The following CREBRF variants were observed in gnomAD, a reference collection of about 807,000 sequenced individuals.
CREBRF encodes CREB3 regulatory factor.
Under a neutral mutation model 66.1 loss-of-function variants are expected in CREBRF, and 5 were observed. That is an observed-to-expected ratio of 0.08 (90% CI 0.04 to 0.16). The LOEUF (loss-of-function observed/expected upper bound fraction) is 0.16, where lower values mean the gene tolerates loss of function less well. Ranked by LOEUF, CREBRF falls within the 10% of genes least tolerant of loss-of-function variation. CREBRF has a pLI of 1.00. For synonymous variants in CREBRF, 229 were observed against 264.4 expected (o/e 0.87, Z 1.30); for missense variants, 531 against 744.9 (o/e 0.71, Z 3.34).
Position 173,090,240 on chromosome 5 carries a change from A to T in CREBRF, c.136-75A>T. ...CAGACCAAAAGTCAAGTATTGATTT[A>T]TCAGTTTGACATATGGAGGTGAATA... On this transcript the variant is annotated intron_variant, in intron 3 of 8. Coordinates refer to ENST00000296953, the MANE Select transcript of CREBRF (RefSeq NM_153607.3). The surrounding 1 kb of genome is among the most constrained non-coding windows in gnomAD (Gnocchi z 4.5). The T allele has an allele frequency of 8.3e-7, 1 of 1,208,534 alleles. No individual in the cohort carries two copies. Among genetic ancestry groups the T allele is most frequent in the Non-Finnish European group, 1.2e-6 (1 of 862,918 alleles). 74.9% of individuals were successfully genotyped at this position (1,208,534 alleles called of 1,614,324 possible). A position where few individuals can be genotyped will look rare whatever the true frequency, so the allele number is the denominator to read the frequency against.
chr5:173,065,089 G>C (rs1368699296), intron 1 of CREBRF, among the ~76,000 whole-genome samples: 1 of 152,190 alleles, frequency 6.6e-6, no homozygotes, highest in Non-Finnish European at 1.5e-5. Flanking sequence ...TAGACTAGGA[G>C]AGGAGACACA....
intron 5 of CREBRF, chr5:173,110,216 T>A: frequency 1.5e-5 from 6 of 403,504 alleles, no homozygotes; most frequent in Non-Finnish European, 1.4e-5. Flanking sequence ...AGATTTGAGA[T>A]GCTTAGTATG....
chr5:173,106,182 C>T (rs1201212456), intron 4 of CREBRF, among the ~76,000 whole-genome samples: 3 of 151,726 alleles, frequency 2.0e-5, no homozygotes, highest in African/African-American at 4.8e-5. Context: ...GTAATCCCAG[C>T]GCTTTGGGAG....
chr5:173,090,809 C>T lies in CREBRF; in HGVS notation c.630C>T (p.Ser210=). 6.2e-7 allele frequency: 1 copy of T among 1,614,116 alleles called. No individual in the cohort carries two copies. Among genetic ancestry groups the T allele is most frequent in the Non-Finnish European group, 8.5e-7 (1 of 1,180,036 alleles). ...CVQKASKPTS[S]TQIMVKTNMY... ...AAAAAGCAAGTAAACCCACTTCAAG[C>T]ACACAAATCATGGTGAAGACCAACA... The change falls in exon 4 of 9, where the codon AGC becomes AGT. Residue 210 remains serine, a synonymous_variant. Transcript: ENST00000296953. This position sits in a 1 kb window ranked among gnomAD's most constrained non-coding sequence, Gnocchi z 4.5.
intron 1 of CREBRF, among the ~76,000 whole-genome samples, chr5:173,068,811 G>A (rs1483168783): frequency 1.3e-5 from 2 of 152,006 alleles, no homozygotes; most frequent in Non-Finnish European, 2.9e-5. Flanking sequence ...GCTCACGCCT[G>A]TAATCCCAGC....
At chr5:173,132,915 C>T (rs372144069) in intron 8 of CREBRF, among the ~76,000 whole-genome samples, 40 of 151,790 alleles carry the variant, frequency 2.6e-4, no homozygotes, top group African/African-American at 9.4e-4. Flanking sequence ...GATTACAGGC[C>T]TGAGCCACCG....
At chr5:173,065,722 G>A (rs1757417001) in intron 1 of CREBRF, among the ~76,000 whole-genome samples, 1 of 143,092 alleles carries the variant, frequency 7.0e-6, no homozygotes, top group African/African-American at 2.7e-5. Context: ...ATGGTTCACT[G>A]CAGCCTTGAC....
chr5:173,087,466 G>C (rs1038854370), intron 3 of CREBRF, among the ~76,000 whole-genome samples: 2 of 152,002 alleles, frequency 1.3e-5, no homozygotes, highest in African/African-American at 4.8e-5. Flanking sequence ...GGGAGGCCAA[G>C]GCGGGCGGAT....
intron 1 of CREBRF, among the ~76,000 whole-genome samples, chr5:173,072,648 C>G (rs1397964605): frequency 1.3e-5 from 2 of 148,796 alleles, no homozygotes; most frequent in Non-Finnish European, 3.0e-5. Context: ...AGACCAGTCT[C>G]AAACTCCTGG....
chr5:173,125,224 C>G (rs148547541), intron 8 of CREBRF, among the ~76,000 whole-genome samples: 9 of 152,196 alleles, frequency 5.9e-5, no homozygotes, highest in African/African-American at 2.2e-4. Flanking sequence ...CATTATTTCT[C>G]CTTTTTACCT....
intron 4 of CREBRF, among the ~76,000 whole-genome samples, chr5:173,099,113 C>T (rs1428931953): frequency 6.6e-6 from 1 of 152,040 alleles, no homozygotes; most frequent in Non-Finnish European, 1.5e-5. Flanking sequence ...GTTGCCATTT[C>T]CATGGAATAT....
At chr5:173,068,207 A>AT (rs1757492142) in intron 1 of CREBRF, 4 of 426,850 alleles carry the variant, frequency 9.4e-6, no homozygotes, top group Non-Finnish European at 1.4e-5. Context: ...TGACTGCCTG[A>AT]TGGAGGAGTG....
At chr5:173,077,843 A>G (rs1185247286) in intron 1 of CREBRF, among the ~76,000 whole-genome samples, 3 of 152,114 alleles carry the variant, frequency 2.0e-5, no homozygotes, top group African/African-American at 7.2e-5. Context: ...TTTTGTGTCT[A>G]TTTTACTTAC....
In CREBRF at chr5:173,086,329, ACAG is replaced by A. The variant is rs1280928807; in HGVS notation, c.10-171_10-169del. On this transcript the variant is annotated intron_variant, in intron 2 of 8. Coordinates refer to ENST00000296953, the MANE Select transcript of CREBRF (RefSeq NM_153607.3). Reference sequence around the variant, plus strand: ...TTAGGTATTTTCCTAATATAAGTCTACAGTTCAGTGTTAGCCAAAGCTCTTAAA... The same window carrying A: ...TTAGGTATTTTCCTAATATAAGTCTATTCAGTGTTAGCCAAAGCTCTTAAA... The A allele has an allele frequency of 1.3e-4, 88 of 659,724 alleles. No individual in the cohort carries two copies. The African/African-American group carries it at 1.4e-3, about 11-fold the overall frequency. The allele number at this position is 659,724 out of a possible 1,614,324, so 40.9% of individuals were successfully genotyped here.
intron 8 of CREBRF, among the ~76,000 whole-genome samples, chr5:173,127,399 C>G (rs1224419672): frequency 6.6e-6 from 1 of 151,302 alleles, no homozygotes; most frequent in Non-Finnish European, 1.5e-5. Flanking sequence ...ATCTTCCCGC[C>G]TCAGCCTCTC....
chr5:173,063,461 G>T (rs1211792016), intron 1 of CREBRF, among the ~76,000 whole-genome samples: 1 of 152,026 alleles, frequency 6.6e-6, no homozygotes, highest in African/African-American at 2.4e-5. Flanking sequence ...TCTGCCTCCT[G>T]GGTTCAAGCG....
rs528621612 is a variant in CREBRF, at chr5:173,087,217, G to T, written c.135+591G>T. Reference sequence around the variant, plus strand: ...CTGCCTCGGCCTCCCAAAGTCCTGGGATTACAGGCATGAGTCACTGCGCCC... The same window carrying T: ...CTGCCTCGGCCTCCCAAAGTCCTGGTATTACAGGCATGAGTCACTGCGCCC... On this transcript the variant is annotated intron_variant, in intron 3 of 8. Transcript: ENST00000296953. Among the ~76,000 whole-genome samples the T allele has an allele frequency of 5.3e-5, 8 of 152,150 alleles. 1 individual carries two copies. In the South Asian group the frequency reaches 1.7e-3, roughly 32 times the overall value.
At chr5:173,118,256 C>T (rs559514531) in intron 7 of CREBRF, among the ~76,000 whole-genome samples, 7 of 151,780 alleles carry the variant, frequency 4.6e-5, no homozygotes, top group Non-Finnish European at 7.4e-5. Context: ...GTGATCCACC[C>T]GCCTCGGCCT....
Position 173,133,967 on chromosome 5 carries a change from T to C in CREBRF, c.*222T>C. On this transcript the variant is annotated 3_prime_UTR_variant, in exon 9 of 9. Transcript: ENST00000296953. ...ATTAAAACTGCTACTGGCATCAGAA[T>C]TGAAAATCATATGTTTAAGTAAATG... 1 of 324,870 alleles carries C rather than the reference T, an allele frequency of 3.1e-6. No homozygotes were observed. Among genetic ancestry groups the C allele is most frequent in the South Asian group, 5.9e-5 (1 of 17,064 alleles). The allele number at this position is 324,870 out of a possible 1,614,324, so 20.1% of individuals were successfully genotyped here.
Sources: gnomAD v4.1 joint callset for allele counts (sites outside exome capture counted in the v4.1 genomes callset) on GRCh38, gnomAD v4.1.1 for gene constraint, Gnocchi (gnomAD v3.1) non-coding constraint, MANE v1.5 for transcripts, NCBI Gene and HGNC (gene_info 2026-07-23, HGNC 2026-07-21) for gene names.